MARCHF7: variants seen among roughly 807,000 people sequenced by gnomAD.
MARCHF7 encodes membrane associated ring-CH-type finger 7.
A neutral mutation model predicts 76.5 loss-of-function variants in MARCHF7; 20 were observed. The ratio of observed to expected loss-of-function variants is 0.26; its 90% confidence interval spans 0.18 to 0.38. The LOEUF is 0.38. MARCHF7 is among the 10% of genes least tolerant of loss of function. MARCHF7 has a pLI of 1.00. For synonymous variants in MARCHF7, 295 were observed against 293.0 expected (o/e 1.01, Z -0.07); for missense variants, 797 against 812.9 (o/e 0.98, Z 0.24).
intron 5 of MARCHF7, 72 bp downstream of exon 5, chr2:159,743,325 A>C (rs1218133488): frequency 7.1e-7 from 1 of 1,401,892 alleles, no homozygotes; most frequent in Non-Finnish European, 9.8e-7. Context: ...TTAGTTTTGG[A>C]ATGAGGCAAG....
intron 3 of MARCHF7, among the ~76,000 whole-genome samples, chr2:159,723,881 G>C (rs1359861652): frequency 6.7e-6 from 1 of 149,056 alleles, no homozygotes; most frequent in Non-Finnish European, 1.5e-5. Context: ...GTTTCCATGT[G>C]ATGCTTTTTC....
intron 1 of MARCHF7, among the ~76,000 whole-genome samples, chr2:159,713,432 A>G (rs970754564): frequency 2.0e-5 from 3 of 152,176 alleles, no homozygotes; most frequent in African/African-American, 7.2e-5. Context: ...GTCACGACTA[A>G]TGTTGTTTGT....
At chr2:159,726,790 A>G (rs1702225911) in intron 3 of MARCHF7, among the ~76,000 whole-genome samples, 1 of 152,204 alleles carries the variant, frequency 6.6e-6, no homozygotes, top group African/African-American at 2.4e-5. Context: ...CATACTCATT[A>G]AACAACTCCC....
At chr2:159,717,216 T>C (rs1005786626) in intron 3 of MARCHF7, among the ~76,000 whole-genome samples, 1 of 152,040 alleles carries the variant, frequency 6.6e-6, no homozygotes, top group Non-Finnish European at 1.5e-5. Context: ...CACACAAGAC[T>C]GGGGTGGGGA....
chr2:159,738,668 G>T (rs967318327), intron 4 of MARCHF7, among the ~76,000 whole-genome samples: 4 of 152,176 alleles, frequency 2.6e-5, no homozygotes, highest in Admixed American at 1.3e-4. Context: ...GGCTGAGTCA[G>T]ATTTTCATGG....
intron 3 of MARCHF7, among the ~76,000 whole-genome samples, chr2:159,725,890 C>T (rs1189614121): frequency 6.6e-6 from 1 of 152,160 alleles, no homozygotes; most frequent in African/African-American, 2.4e-5. Context: ...AAAGTGGAAA[C>T]ATTTCAGATG....
chr2:159,770,551 G>C lies in MARCHF7; in HGVS notation c.*3209G>C, dbSNP rs980847665. The stretch of plus-strand genomic sequence containing the variant: ...CAGAAGAAAGTAAGATAATTGATGG[G>C]GTGTGGATTCAGAAGAGGGATTACT... On this transcript the variant is annotated 3_prime_UTR_variant, in exon 12 of 12. Coordinates refer to ENST00000409175, the MANE Select transcript of MARCHF7 (RefSeq NM_001282805.2). 3.3e-5 allele frequency: 5 copies of C among 152,216 alleles called. No homozygotes were observed. The highest frequency in any genetic ancestry group is 1.2e-4 in the African/African-American group (5 of 41,536). The allele number at this position is 152,216 out of a possible 1,614,324, so 9.4% of individuals were successfully genotyped here. A position where few individuals can be genotyped will look rare whatever the true frequency, so the allele number is the denominator to read the frequency against.
At chr2:159,732,762 C>A in intron 4 of MARCHF7, 1 of 788,284 alleles carries the variant, frequency 1.3e-6, no homozygotes, top group Non-Finnish European at 1.5e-6. Flanking sequence ...AAACTCCTGG[C>A]CTCCAGCAGT....
intron 9 of MARCHF7, among the ~76,000 whole-genome samples, 156 bp from the exon 10 acceptor site, chr2:159,762,724 C>A (rs1707261363): frequency 1.3e-5 from 2 of 152,094 alleles, no homozygotes; most frequent in Admixed American, 1.3e-4. Context: ...TAAAGATATT[C>A]TTTTTTTCTC....
chr2:159,764,039 T>A (rs550383203), intron 10 of MARCHF7, among the ~76,000 whole-genome samples: 1 of 152,314 alleles, frequency 6.6e-6, no homozygotes, highest in South Asian at 2.1e-4. Flanking sequence ...ATAAAACATT[T>A]AAGAACTTCT....
At chr2:159,717,638 C>T (rs1050944770) in intron 3 of MARCHF7, among the ~76,000 whole-genome samples, 3 of 152,100 alleles carry the variant, frequency 2.0e-5, no homozygotes, top group Non-Finnish European at 4.4e-5. Flanking sequence ...TGTAAACCAG[C>T]AAATTAGAAA....
chr2:159,756,621 A>G (rs1361319132), intron 8 of MARCHF7, among the ~76,000 whole-genome samples: 2 of 129,294 alleles, frequency 1.5e-5, no homozygotes, highest in Admixed American at 9.6e-5. Context: ...CAGGAGGTGG[A>G]GTTTGCAGTG....
chr2:159,734,215 G>C (rs1703173817), intron 4 of MARCHF7: 1 of 786,474 alleles, frequency 1.3e-6, no homozygotes, highest in South Asian at 5.8e-5. Flanking sequence ...AATCTGTTTA[G>C]TGTTTGTTCT....
intron 10 of MARCHF7, among the ~76,000 whole-genome samples, chr2:159,764,255 T>TGTGCGCGCGC (rs10592175): frequency 1.5e-3 from 199 of 131,460 alleles, no homozygotes; most frequent in South Asian, 4.1e-3. Flanking sequence ...TGTGTGTGTG[T>TGTGCGCGCGC]GCGCGCGCCC....
chr2:159,746,224 A>G (rs1385096807), intron 6 of MARCHF7, among the ~76,000 whole-genome samples: 1 of 152,180 alleles, frequency 6.6e-6, no homozygotes, highest in Non-Finnish European at 1.5e-5. Context: ...GTATATCCTC[A>G]AATAGAATTT....
intron 4 of MARCHF7, 65 bp downstream of exon 4, chr2:159,729,240 G>A: frequency 8.5e-7 from 1 of 1,173,748 alleles, no homozygotes; most frequent in Non-Finnish European, 1.1e-6. Flanking sequence ...CACTCTTTTG[G>A]GGGTATTTAA....
At chr2:159,734,063 A>G (rs1703153130) in intron 4 of MARCHF7, 1 of 1,361,182 alleles carries the variant, frequency 7.3e-7, no homozygotes, top group Non-Finnish European at 9.6e-7. Flanking sequence ...AACTATGATC[A>G]TCTTATGTCT....
In MARCHF7 at chr2:159,768,327, C is replaced by T. The variant is rs1456228797; in HGVS notation, c.*985C>T. 2 of 152,564 alleles carry T rather than the reference C, an allele frequency of 1.3e-5. No homozygotes were observed. The highest frequency in any genetic ancestry group is 4.8e-5 in the African/African-American group (2 of 41,440). The allele number at this position is 152,564 out of a possible 1,614,324, so 9.5% of individuals were successfully genotyped here. On this transcript the variant is annotated 3_prime_UTR_variant, in exon 12 of 12. Transcript: ENST00000409175. ...TTGGAGAACAGATGAACATTATTCA[C>T]CATGAATGGATCTATACTGTGTGGT...
intron 4 of MARCHF7, among the ~76,000 whole-genome samples, chr2:159,734,915 G>A (rs1250050725): frequency 6.6e-6 from 1 of 151,802 alleles, no homozygotes; most frequent in East Asian, 1.9e-4. Flanking sequence ...CCAGGAGGTT[G>A]AGGTTGCAAT....
Sources: allele counts gnomAD v4.1 joint callset (sites outside exome capture counted in the v4.1 genomes callset), GRCh38; gene constraint gnomAD v4.1.1; transcripts MANE v1.5; gene names NCBI Gene and HGNC (gene_info 2026-07-23, HGNC 2026-07-21).